SLC3A1: variants seen among roughly 807,000 people sequenced by gnomAD.
SLC3A1 encodes the protein amino acid transporter heavy chain SLC3A1.
A neutral mutation model predicts 60.3 loss-of-function variants in SLC3A1; 78 were observed. The ratio of observed to expected loss-of-function variants is 1.29; its 90% CI spans 1.08 to 1.56. The LOEUF (loss-of-function observed/expected upper bound fraction) is 1.56. Ranked by LOEUF, SLC3A1 falls within the 40% of genes most tolerant of loss-of-function variation. The pLI is 0.00. For synonymous variants in SLC3A1, 392 were observed against 307.9 expected (o/e 1.27, Z -2.86); for missense variants, 1,172 against 858.9 (o/e 1.36, Z -4.56).
chr2:44,281,763 C>A (rs1338298396), intron 3 of SLC3A1, among the ~76,000 whole-genome samples: 1 of 152,142 alleles, frequency 6.6e-6, no homozygotes, highest in Non-Finnish European at 1.5e-5. Flanking sequence ...TGTGTTCTAG[C>A]AAATTCAAAC....
downstream of SLC3A1, among the ~76,000 whole-genome samples, chr2:44,322,186 G>A (rs900702781): frequency 6.6e-6 from 1 of 152,122 alleles, no homozygotes. Context: ...GAATCTGAGA[G>A]TCTTATGCCC....
chr2:44,314,216 G>T, intron 9 of SLC3A1: 1 of 812,432 alleles, frequency 1.2e-6, no homozygotes, highest in Non-Finnish European at 1.9e-6. Flanking sequence ...AGGCCTTTGA[G>T]CTATGAAGGA....
chr2:44,317,059 G>A (rs1672489430), intron 9 of SLC3A1, among the ~76,000 whole-genome samples: 1 of 152,184 alleles, frequency 6.6e-6, no homozygotes, highest in Non-Finnish European at 1.5e-5. Context: ...GCACACAGGA[G>A]CAAGCAAATG....
chr2:44,285,820 C>T (rs985938927), intron 3 of SLC3A1: 14 of 688,930 alleles, frequency 2.0e-5, no homozygotes, highest in African/African-American at 1.8e-4. Flanking sequence ...ACAGCATCTA[C>T]TGTAAAAATA....
chr2:44,275,930 A>G lies in SLC3A1; in HGVS notation c.395A>G (p.Lys132Arg), dbSNP rs148787131. 52 of 1,614,086 alleles carry G rather than the reference A, an allele frequency of 3.2e-5. No homozygotes were observed. The highest frequency in any genetic ancestry group is 1.6e-4 in the Middle Eastern group (1 of 6,084). ...TACCAGATCTACCCAAGGTCTTTCA[A>G]GGACAGTAACAAGGATGGGAACGGA... is the stretch of plus-strand genomic sequence containing the variant. ...PMYQIYPRSF[K>R]DSNKDGNGDL... is the part of the protein sequence containing the mutation. Residue 132 changes from lysine (K) to arginine (R), a missense_variant, in exon 1 of 10, where the codon AAG becomes AGG. Transcript: ENST00000260649.
intron 2 of SLC3A1, 86 bp downstream of exon 2, chr2:44,280,981 TTAAC>T: frequency 1.7e-6 from 2 of 1,151,558 alleles, no homozygotes; most frequent in Non-Finnish European, 2.6e-6. Context: ...TTTCTTCTCC[TTAAC>T]TGTCATATAC....
chr2:44,297,810 C>G (rs1222821954), intron 4 of SLC3A1, among the ~76,000 whole-genome samples: 1 of 152,138 alleles, frequency 6.6e-6, no homozygotes, highest in African/African-American at 2.4e-5. Context: ...TGTTGCCCGG[C>G]TGGTCTAGAA....
At chr2:44,311,141 G>C (rs2104381765) in intron 7 of SLC3A1, among the ~76,000 whole-genome samples, 1 of 152,190 alleles carries the variant, frequency 6.6e-6, no homozygotes, top group East Asian at 1.9e-4. Context: ...ACTCTCAATT[G>C]AGTCTTCAAG....
In SLC3A1 at chr2:44,299,971, G is replaced by A; in HGVS notation, c.892G>A (p.Glu298Lys). ...RNPDVQEEIK[E>K]ILRFWLTKGV... ...AAGCATTTTGCTTCTTCATCTTTAG[G>A]AAATTTTACGGTTCTGGCTCACAAA... Residue 298 changes from glutamate (E) to lysine (K), a missense_variant and splice_region_variant, in exon 5 of 10, where the codon GAA (glutamate) becomes AAA (lysine). Coordinates refer to ENST00000260649, the MANE Select transcript of SLC3A1 (RefSeq NM_000341.4). The A allele has an allele frequency of 6.2e-7, 1 of 1,614,032 alleles. No individual in the cohort carries two copies. Among genetic ancestry groups the A allele is most frequent in the Non-Finnish European group, 8.5e-7 (1 of 1,179,946 alleles).
rs1249237992 is a variant in SLC3A1, at chr2:44,308,563, TTTG to T, written c.1333-4020_1333-4018del. Among the ~76,000 whole-genome samples the T allele has an allele frequency of 5.3e-5, 8 of 152,316 alleles. No individual in the cohort carries two copies. The East Asian group carries it at 1.5e-3, about 29-fold the overall frequency. ...TTTTGTTCAGTTTATTCCTAAGTAT[TTTG>T]TTCTTTTGATATTATTGTAAACTGA... is the stretch of plus-strand genomic sequence containing the variant. On this transcript the variant is annotated intron_variant, in intron 7 of 9. Coordinates refer to ENST00000260649, the MANE Select transcript of SLC3A1 (RefSeq NM_000341.4).
At chr2:44,298,095 T>C (rs575447438) in intron 4 of SLC3A1, among the ~76,000 whole-genome samples, 3 of 152,340 alleles carry the variant, frequency 2.0e-5, no homozygotes, top group African/African-American at 4.8e-5. Context: ...TATATACCTA[T>C]GCGTGAAATT....
chr2:44,276,798 C>G (rs1671353989), intron 1 of SLC3A1, among the ~76,000 whole-genome samples: 1 of 152,090 alleles, frequency 6.6e-6, no homozygotes, highest in African/African-American at 2.4e-5. Flanking sequence ...TTGCTCAAAC[C>G]AGAACATACT....
intron 9 of SLC3A1, among the ~76,000 whole-genome samples, chr2:44,315,424 G>A (rs1572817767): frequency 1.3e-5 from 2 of 151,450 alleles, no homozygotes; most frequent in African/African-American, 4.9e-5. Flanking sequence ...AAAAGCCAGA[G>A]GAATGCTTGA....
Position 44,300,938 on chromosome 2 carries a change from A to G in SLC3A1, c.1012-65A>G, listed in dbSNP as rs1218530239. 10 of 1,604,736 alleles carry G rather than the reference A, an allele frequency of 6.2e-6. No individual in the cohort carries two copies. In the East Asian group the frequency reaches 8.9e-5, roughly 14 times the overall value. On this transcript the variant is annotated intron_variant, in intron 5 of 9. Transcript: ENST00000260649. ...CTTTGAAGAGGTTGTCTACATTCAT[A>G]TAGAGCGAGCTGTGGGCATGCAATG...
At chr2:44,303,677 C>G (rs924416147) in intron 6 of SLC3A1, 2 of 253,666 alleles carry the variant, frequency 7.9e-6, no homozygotes, top group African/African-American at 4.4e-5. Context: ...GTTTGCTGCA[C>G]CCATCAACTT....
At chr2:44,287,235 G>A (rs1399615165) in intron 4 of SLC3A1, among the ~76,000 whole-genome samples, 5 of 151,982 alleles carry the variant, frequency 3.3e-5, no homozygotes, top group South Asian at 2.1e-4. Flanking sequence ...AAGGGGCATC[G>A]GAGTGTCAGG....
intron 4 of SLC3A1, among the ~76,000 whole-genome samples, chr2:44,295,233 G>A (rs140687495): frequency 2.6e-5 from 4 of 152,246 alleles, no homozygotes; most frequent in South Asian, 2.1e-4. Context: ...TCAGAGCAGC[G>A]AGCTATTTAA....
At chr2:44,302,843 T>A (rs981681616) in intron 6 of SLC3A1, among the ~76,000 whole-genome samples, 1 of 152,200 alleles carries the variant, frequency 6.6e-6, no homozygotes, top group South Asian at 2.1e-4. Flanking sequence ...CGAGTTTTAG[T>A]GTCAGGATGT....
At chr2:44,298,169 C>T (rs143303160) in intron 4 of SLC3A1, among the ~76,000 whole-genome samples, 147 of 132,636 alleles carry the variant, frequency 1.1e-3, no homozygotes, top group Non-Finnish European at 1.8e-3. Flanking sequence ...ACAGTTGATT[C>T]TTCATACATC....
Sources: allele counts gnomAD v4.1 joint callset (sites outside exome capture counted in the v4.1 genomes callset), GRCh38; gene constraint gnomAD v4.1.1; transcripts MANE v1.5; gene names NCBI Gene and HGNC (gene_info 2026-07-23, HGNC 2026-07-21).